The following GPS2 variants were observed in gnomAD, a reference collection of about 807,000 sequenced individuals.
GPS2 encodes GPS-2.
In GPS2, 22 loss-of-function variants were observed where a neutral mutation model predicts 48.1. The observed-to-expected ratio is 0.46, with a 90% CI of 0.33 to 0.65. The LOEUF (loss-of-function observed/expected upper bound fraction) is 0.65. GPS2 is among the 30% of genes least tolerant of loss of function. The pLI, the probability that GPS2 is intolerant of heterozygous loss-of-function variation, is 0.03. For synonymous variants in GPS2, 202 were observed against 142.5 expected, an observed-to-expected ratio of 1.42 and a Z score of -2.98; for missense variants, 366 against 406.8, an observed-to-expected ratio of 0.90 and a Z score of 0.86.
intron 2 of GPS2, 63 bp from the exon 3 acceptor site, chr17:7,314,660 T>C: frequency 6.2e-7 from 1 of 1,609,120 alleles, no homozygotes; most frequent in East Asian, 2.2e-5. Flanking sequence ...CGTTACAGAT[T>C]GAAGACCAGC....
In GPS2 at chr17:7,313,243, T is replaced by C. The variant is rs1181764546; in HGVS notation, c.773A>G (p.His258Arg). The C allele has an allele frequency of 2.5e-6, 4 of 1,614,184 alleles. No homozygotes were observed. Among genetic ancestry groups the C allele is most frequent in the Non-Finnish European group, 3.4e-6 (4 of 1,180,022 alleles). ...GGAGAAGCCAGTCTGCTGGTTAGCA[T>C]GTTCCATCTGCTTTTGCAAGGACAG... ...GALSLQKQME[H>R]ANQQTGFSDS... is the part of the protein sequence containing the mutation. The change falls in exon 9 of 11, where the codon CAT becomes CGT. Residue 258 changes from histidine to arginine, a missense_variant. Physicochemically the swap from His to Arg is conservative, Grantham distance 29. Around this residue, in one of 3 missense-constraint regions of GPS2, gnomAD observed 275 missense variants for 282.3 expected, o/e 0.97. Transcript: ENST00000380728.
chr17:7,313,852 G>A, intron 6 of GPS2, 54 bp downstream of exon 6: 2 of 1,568,492 alleles, frequency 1.3e-6, no homozygotes, highest in East Asian at 2.2e-5. Context: ...AATACTGGTG[G>A]CAAGGATGCA....
In GPS2 at chr17:7,312,663, G is replaced by T; in HGVS notation, c.*93C>A. ...ACACAAACAGCAGCAGCCAGGGGCAGTGGCAGGTAGATTTTATTGGCCTGG... is the reference window on the plus strand; with the variant it reads ...ACACAAACAGCAGCAGCCAGGGGCATTGGCAGGTAGATTTTATTGGCCTGG... On this transcript the variant is annotated 3_prime_UTR_variant, in exon 11 of 11. Coordinates refer to ENST00000380728, the MANE Select transcript of GPS2 (RefSeq NM_004489.5). 2 of 1,003,020 alleles carry T rather than the reference G, an allele frequency of 2.0e-6. No individual in the cohort carries two copies. Among genetic ancestry groups the T allele is most frequent in the Non-Finnish European group, 3.2e-6 (2 of 629,388 alleles). 62.1% of individuals were successfully genotyped at this position (1,003,020 alleles called of 1,614,324 possible).
At chr17:7,313,876 T>C in intron 6 of GPS2, 30 bp downstream of exon 6, 1 of 1,596,560 alleles carries the variant, frequency 6.3e-7, no homozygotes, top group Non-Finnish European at 8.6e-7. Context: ...ATGGAAGTAC[T>C]AGGGGCTAGG....
At chr17:7,312,884 T>C in intron 10 of GPS2, 45 bp from the exon 11 acceptor site, 1 of 1,563,242 alleles carries the variant, frequency 6.4e-7, no homozygotes, top group Non-Finnish European at 8.8e-7. Context: ...GGGCATACTC[T>C]CCCTTCCACT....
intron 10 of GPS2, 32 bp from the exon 11 acceptor site, chr17:7,312,871 A>G: frequency 1.3e-6 from 2 of 1,583,548 alleles, no homozygotes; most frequent in South Asian, 1.1e-5. Context: ...GGGCTTTGTC[A>G]CTGGGCATAC....
In GPS2 at chr17:7,315,124, G is replaced by C. The variant is rs2072921012; in HGVS notation, c.-67-5C>G. ...CTGCCAGACCTCAGACGGGGCCTGC[G>C]GGGAGGCGGGCGCTCAGAGGGGGCC... On this transcript the variant is annotated splice_polypyrimidine_tract_variant and splice_region_variant and intron_variant, in intron 1 of 10. Transcript: ENST00000380728. 7 of 1,230,868 alleles carry C rather than the reference G, an allele frequency of 5.7e-6. No homozygotes were observed. Among genetic ancestry groups the C allele is most frequent in the Non-Finnish European group, 7.6e-6 (7 of 920,348 alleles). 76.2% of individuals were successfully genotyped at this position (1,230,868 alleles called of 1,614,324 possible).
Position 7,312,773 on chromosome 17 carries a change from G to T in GPS2, c.967C>A (p.Arg323=), listed in dbSNP as rs1049021252. Reference sequence around the variant, plus strand: ...TCTGATGGTCACTTGTGGTAGAATCGCGGGTTCTGGCTGTGTTGGATGAAG... The same window carrying T: ...TCTGATGGTCACTTGTGGTAGAATCTCGGGTTCTGGCTGTGTTGGATGAAG... ...LPFIQHSQNP[R]FYHK The change falls in exon 11 of 11, where the codon CGA becomes AGA. Residue 323 remains arginine, a synonymous_variant. Transcript: ENST00000380728. The T allele has an allele frequency of 4.3e-6, 7 of 1,613,788 alleles. No homozygotes were observed. Among genetic ancestry groups the T allele is most frequent in the African/African-American group, 1.3e-5 (1 of 75,038 alleles).
At position 7,313,099 on chromosome 17, in the gene GPS2, T is replaced by C; in HGVS notation, c.830A>G (p.Gln277Arg). ...DSSSLRPMHP[Q>R]ALHPAPGLLA... ...GAGTCCAGGGGCTGGATGCAGAGCCTGGGGGTGCATGGGGCGCAGAGAGGA... is the reference window on the plus strand; with the variant it reads ...GAGTCCAGGGGCTGGATGCAGAGCCCGGGGGTGCATGGGGCGCAGAGAGGA... The change falls in exon 10 of 11, where the codon CAG (glutamine) becomes CGG (arginine). Residue 277 changes from glutamine (Q) to arginine (R), a missense_variant. Around this residue, in one of 3 missense-constraint regions of GPS2, gnomAD observed 275 missense variants for 282.3 expected, o/e 0.97. Coordinates refer to ENST00000380728, the MANE Select transcript of GPS2 (RefSeq NM_004489.5). The C allele has an allele frequency of 6.3e-7, 1 of 1,584,854 alleles. No homozygotes were observed. The highest frequency in any genetic ancestry group is 1.1e-5 in the South Asian group (1 of 87,016).
intron 2 of GPS2, 121 bp downstream of exon 2, chr17:7,314,838 C>G: frequency 7.6e-7 from 1 of 1,317,610 alleles, no homozygotes; most frequent in South Asian, 1.2e-5. Context: ...CACAACGGGG[C>G]TATTCCTTCC....
In GPS2 at chr17:7,314,328, A is replaced by G; in HGVS notation, c.280T>C (p.Leu94=). The part of the protein sequence containing the change: ...HQLFLQLKKV[L]HEEEKRRRKE... ...CGCCTCCGTTTTTCTTCCTCATGTA[A>G]AACTTTCTTGAGCTGCAGGAAAAGC... Residue 94 remains leucine, a synonymous_variant, in exon 4 of 11, where the codon TTA becomes CTA. Transcript: ENST00000380728. 3 of 1,614,116 alleles carry G rather than the reference A, an allele frequency of 1.9e-6. No individual in the cohort carries two copies.
rs765011305 is a variant in GPS2, at chr17:7,313,063, G to T, written c.866C>A (p.Pro289His). The T allele has an allele frequency of 5.8e-6, 9 of 1,559,274 alleles. No homozygotes were observed. The African/African-American group carries it at 1.2e-4, about 21-fold the overall frequency. ...TGGCTGCATCTGCACAGGGAGCTGG[G>T]GGGAAGCAAGGAGTCCAGGGGCTGG... is the stretch of plus-strand genomic sequence containing the variant. ...LHPAPGLLAS[P>H]QLPVQMQPAG... Residue 289 changes from proline (P) to histidine (H), a missense_variant, in exon 10 of 11, where the codon CCC becomes CAC. Pro to His is a moderately conservative substitution (Grantham distance 77). This residue lies in a region of GPS2 where 275 missense variants were observed against 282.3 expected (regional missense o/e 0.97). Transcript: ENST00000380728.
In GPS2 at chr17:7,313,290, A is replaced by C; in HGVS notation, c.726T>G (p.Gly242=). 2 of 1,613,730 alleles carry C rather than the reference A, an allele frequency of 1.2e-6. No homozygotes were observed. Among genetic ancestry groups the C allele is most frequent in the Non-Finnish European group, 1.7e-6 (2 of 1,179,794 alleles). ...VHGHFQPTQT[G]FLQPGGALSL... is the part of the protein sequence containing the mutation. ...ACAGGGCACCACCAGGCTGGAGGAA[A>C]CCTAGGTGGGGAAGAGGGGCATGTG... The change falls in exon 9 of 11, where the codon GGT becomes GGG. Residue 242 remains glycine, a splice_region_variant and synonymous_variant. Transcript: ENST00000380728.
In GPS2 at chr17:7,314,362, C is replaced by A; in HGVS notation, c.246G>T (p.Glu82Asp). Reference sequence around the variant, plus strand: ...TGAGCTGCAGGAAAAGCTGGTGCTTCTCTTCCTGTAGAGCCAAAAGCTTCT... The same window carrying A: ...TGAGCTGCAGGAAAAGCTGGTGCTTATCTTCCTGTAGAGCCAAAAGCTTCT... ...LEEKLLALQE[E>D]KHQLFLQLKK... The change falls in exon 4 of 11, where the codon GAG (glutamate) becomes GAT (aspartate). Residue 82 changes from glutamate (E) to aspartate (D), a missense_variant. By Grantham distance (45) the Glu-to-Asp change is conservative (BLOSUM62 2). Transcript: ENST00000380728. The A allele has an allele frequency of 6.2e-7, 1 of 1,614,218 alleles. No homozygotes were observed. The highest frequency in any genetic ancestry group is 8.5e-7 in the Non-Finnish European group (1 of 1,180,038).
Position 7,315,349 on chromosome 17 carries a change from C to G in GPS2, c.-86G>C. On this transcript the variant is annotated 5_prime_UTR_variant, in exon 1 of 11. Coordinates refer to ENST00000380728, the MANE Select transcript of GPS2 (RefSeq NM_004489.5). Reference sequence around the variant, plus strand: ...TTCCTACCCGCCTTCTCTGCGCTTTCTCAGCGGCTCCGACGCGCCCTGGCC... The same window carrying G: ...TTCCTACCCGCCTTCTCTGCGCTTTGTCAGCGGCTCCGACGCGCCCTGGCC... The G allele has an allele frequency of 2.5e-6, 1 of 393,908 alleles. No homozygotes were observed. The highest frequency in any genetic ancestry group is 4.5e-6 in the Non-Finnish European group (1 of 223,574). 24.4% of individuals were successfully genotyped at this position (393,908 alleles called of 1,614,324 possible). A position where few individuals can be genotyped will look rare whatever the true frequency, so the allele number is the denominator to read the frequency against.
chr17:7,313,215 G>C lies in GPS2; in HGVS notation c.801C>G (p.Asp267Glu). Residue 267 changes from aspartate (D) to glutamate (E), a missense_variant, in exon 9 of 11, where the codon GAC becomes GAG. Around this residue, in one of 3 missense-constraint regions of GPS2, gnomAD observed 275 missense variants for 282.3 expected, o/e 0.97. Transcript: ENST00000380728. The part of the protein sequence containing the change: ...EHANQQTGFS[D>E]SSSLRPMHPQ... ...CCTCCCAAGGTGCCATACTCACTGA[G>C]TCGGAGAAGCCAGTCTGCTGGTTAG... 6.2e-7 allele frequency: 1 copy of C among 1,613,930 alleles called. No homozygotes were observed. The highest frequency in any genetic ancestry group is 8.5e-7 in the Non-Finnish European group (1 of 1,179,788).
chr17:7,314,639 A>C (rs2072913527), intron 2 of GPS2, 42 bp from the exon 3 acceptor site: 1 of 1,612,838 alleles, frequency 6.2e-7, no homozygotes, highest in Non-Finnish European at 8.5e-7. Context: ...GGGTAGTGAA[A>C]ACAATTCCAA....
In GPS2 at chr17:7,313,129, A is replaced by C. The variant is rs760199929; in HGVS notation, c.805-5T>G. ...GTGCATGGGGCGCAGAGAGGACTGC[A>C]GAGAACAGAGTCAGGGCCTGAGGCA... On this transcript the variant is annotated splice_polypyrimidine_tract_variant and splice_region_variant and intron_variant, in intron 9 of 10. Coordinates refer to ENST00000380728, the MANE Select transcript of GPS2 (RefSeq NM_004489.5). 5.0e-6 allele frequency: 8 copies of C among 1,606,396 alleles called. No individual in the cohort carries two copies. Among genetic ancestry groups the C allele is most frequent in the Non-Finnish European group, 6.8e-6 (8 of 1,174,342 alleles).
At chr17:7,313,328 A>T in intron 8 of GPS2, 37 bp from the exon 9 acceptor site, 1 of 1,611,796 alleles carries the variant, frequency 6.2e-7, no homozygotes, top group Non-Finnish European at 8.5e-7. Context: ...ATGAGAATGA[A>T]ACAGGGAGGG....
Sources: gnomAD v4.1 joint callset for allele counts on GRCh38, gnomAD v4.1.1 for gene constraint, gnomAD v4.1.1 regional missense constraint, MANE v1.5 for transcripts, NCBI Gene and HGNC (gene_info 2026-07-23, HGNC 2026-07-21) for gene names.